IKBKB: variants seen among roughly 807,000 people sequenced by gnomAD.
The protein encoded by IKBKB is inhibitor of nuclear factor kappa B kinase subunit beta, also known as inhibitor of nuclear factor kappa-B kinase subunit beta.
IKBKB carries 42 observed loss-of-function variants against 113.6 expected under a neutral mutation model. That is an observed-to-expected ratio of 0.37 (90% CI 0.29 to 0.48). The LOEUF (loss-of-function observed/expected upper bound fraction) is 0.48. Among genes scored for constraint, IKBKB ranks in the 20% least tolerant of loss-of-function variants. IKBKB has a pLI of 0.99. For synonymous variants in IKBKB, 296 were observed against 361.3 expected (o/e 0.82, Z 2.05); for missense variants, 673 against 939.7 (o/e 0.72, Z 3.71).
At chr8:42,277,026 C>G (rs1446209642) in intron 2 of IKBKB, among the ~76,000 whole-genome samples, 1 of 151,282 alleles carries the variant, frequency 6.6e-6, no homozygotes, top group Non-Finnish European at 1.5e-5. Flanking sequence ...GCCACCACCC[C>G]CGACTAATTT....
intron 2 of IKBKB, among the ~76,000 whole-genome samples, chr8:42,283,475 G>A (rs796595727): frequency 1.7e-4 from 26 of 152,342 alleles, no homozygotes; most frequent in African/African-American, 5.1e-4. Flanking sequence ...GTTCTTAAAC[G>A]TGGGAGAAGG....
intron 2 of IKBKB, among the ~76,000 whole-genome samples, chr8:42,275,488 C>G (rs1808902044): frequency 6.6e-6 from 1 of 152,174 alleles, no homozygotes; most frequent in Non-Finnish European, 1.5e-5. Flanking sequence ...CTTTACCCAA[C>G]TGAGATCAGT....
At chr8:42,295,447 C>T (rs1304936003) in intron 5 of IKBKB, among the ~76,000 whole-genome samples, 1 of 152,232 alleles carries the variant, frequency 6.6e-6, no homozygotes, top group African/African-American at 2.4e-5. Context: ...GGCACAAGTG[C>T]CGGGCGCAGT....
chr8:42,294,917 G>T (rs764704654), intron 5 of IKBKB, among the ~76,000 whole-genome samples: 1 of 152,094 alleles, frequency 6.6e-6, no homozygotes, highest in Non-Finnish European at 1.5e-5. Flanking sequence ...TTCTTCATTT[G>T]TTCTCTGTTG....
In IKBKB at chr8:42,271,308, T is replaced by C; in HGVS notation, c.-180T>C. On this transcript the variant is annotated 5_prime_UTR_variant, in exon 1 of 22. Coordinates refer to ENST00000520810, the MANE Select transcript of IKBKB (RefSeq NM_001556.3). ...GCCGCGGCCAACGTGCTCCGTGACG[T>C]CAGAGCAGGAAGTGTTTGAGGAAGT... 4.3e-6 allele frequency: 4 copies of C among 920,516 alleles called. No individual in the cohort carries two copies. The highest frequency in any genetic ancestry group is 4.2e-5 in the South Asian group (3 of 71,912). The allele number at this position is 920,516 out of a possible 1,614,324, so 57.0% of individuals were successfully genotyped here. A position where few individuals can be genotyped will look rare whatever the true frequency, so the allele number is the denominator to read the frequency against.
intron 19 of IKBKB, among the ~76,000 whole-genome samples, chr8:42,323,864 T>G (rs1391012538): frequency 2.0e-5 from 3 of 152,196 alleles, no homozygotes; most frequent in African/African-American, 7.2e-5. Flanking sequence ...GAGCATTTAC[T>G]GAATGCTAAC....
At chr8:42,297,695 G>A (rs1814177508) in intron 5 of IKBKB, among the ~76,000 whole-genome samples, 1 of 152,160 alleles carries the variant, frequency 6.6e-6, no homozygotes, top group Non-Finnish European at 1.5e-5. Context: ...AAAAGTTTGA[G>A]ACCAGCCTGG....
chr8:42,296,065 T>C (rs1290526539), intron 5 of IKBKB, among the ~76,000 whole-genome samples: 2 of 152,250 alleles, frequency 1.3e-5, no homozygotes, highest in African/African-American at 4.8e-5. Flanking sequence ...CTGTCTTCTC[T>C]GTGACCCTGA....
rs757116816 is a variant in IKBKB at position 42,314,440 on chromosome 8, G to C, written c.800+11G>C. 2 of 1,485,510 alleles carry C rather than the reference G, an allele frequency of 1.3e-6. No individual in the cohort carries two copies. The highest frequency in any genetic ancestry group is 1.9e-6 in the Non-Finnish European group (2 of 1,063,064). 92.0% of individuals were successfully genotyped at this position (1,485,510 alleles called of 1,614,324 possible). ...CAATAATCTTAACAGGTAAGGCACA[G>C]CGGCATTACACGAATACATATCTTT... On this transcript the variant is annotated intron_variant, in intron 9 of 21. Coordinates refer to ENST00000520810, the MANE Select transcript of IKBKB (RefSeq NM_001556.3).
chr8:42,272,633 A>C (rs1808022864), intron 2 of IKBKB, among the ~76,000 whole-genome samples: 1 of 152,086 alleles, frequency 6.6e-6, no homozygotes, highest in Admixed American at 6.6e-5. Flanking sequence ...CGTCTCTACA[A>C]AAAAGGTTTA....
chr8:42,310,025 T>G (rs1018755757), intron 8 of IKBKB, among the ~76,000 whole-genome samples: 2 of 152,214 alleles, frequency 1.3e-5, no homozygotes, highest in Non-Finnish European at 2.9e-5. Context: ...AATGTGTACA[T>G]CATGTTGTAC....
chr8:42,287,211 G>A (rs1811590499), intron 2 of IKBKB, among the ~76,000 whole-genome samples: 1 of 152,228 alleles, frequency 6.6e-6, no homozygotes, highest in South Asian at 2.1e-4. Flanking sequence ...CATGCACCAG[G>A]GAGAAGAGGG....
chr8:42,288,068 T>A (rs1229750013), intron 2 of IKBKB, among the ~76,000 whole-genome samples: 2 of 151,998 alleles, frequency 1.3e-5, no homozygotes, highest in Non-Finnish European at 2.9e-5. Flanking sequence ...CCTTGAAGGC[T>A]CTGTAGACTC....
intron 2 of IKBKB, among the ~76,000 whole-genome samples, chr8:42,287,201 C>T (rs1436905034): frequency 1.3e-5 from 2 of 152,244 alleles, no homozygotes; most frequent in African/African-American, 4.8e-5. Flanking sequence ...TGTCCCCACT[C>T]ATGCACCAGG....
At chr8:42,322,610 G>A in intron 19 of IKBKB, 116 bp downstream of exon 19, 1 of 1,071,580 alleles carries the variant, frequency 9.3e-7, no homozygotes, top group South Asian at 1.5e-5. Context: ...AGCCCACTCA[G>A]CTGCTGCTCG....
chr8:42,271,439 C>A lies in IKBKB; in HGVS notation c.-49C>A. The A allele has an allele frequency of 7.0e-7, 1 of 1,425,572 alleles. No individual in the cohort carries two copies. The highest frequency in any genetic ancestry group is 9.5e-7 in the Non-Finnish European group (1 of 1,050,994). The allele number at this position is 1,425,572 out of a possible 1,614,324, so 88.3% of individuals were successfully genotyped here. On this transcript the variant is annotated 5_prime_UTR_variant, in exon 1 of 22. Coordinates refer to ENST00000520810, the MANE Select transcript of IKBKB (RefSeq NM_001556.3). ...GCCCCGCCTTCCCCGCCCCGGGGAGCCCGCCCCCTGCCCCGCGTCCCTGCC... is the reference window on the plus strand; with the variant it reads ...GCCCCGCCTTCCCCGCCCCGGGGAGACCGCCCCCTGCCCCGCGTCCCTGCC...
chr8:42,322,198 G>A, intron 18 of IKBKB, 45 bp downstream of exon 18: 1 of 1,569,150 alleles, frequency 6.4e-7, no homozygotes, highest in Non-Finnish European at 8.8e-7. Context: ...ACTGGGAGAT[G>A]CAGGTATGAG....
intron 2 of IKBKB, among the ~76,000 whole-genome samples, chr8:42,283,302 C>T (rs1339991588): frequency 6.6e-6 from 1 of 152,128 alleles, no homozygotes; most frequent in Non-Finnish European, 1.5e-5. Flanking sequence ...AGAATAATCC[C>T]CCCCAACCCC....
chr8:42,284,233 T>C (rs557272083), intron 2 of IKBKB, among the ~76,000 whole-genome samples: 19 of 152,314 alleles, frequency 1.2e-4, no homozygotes, highest in South Asian at 4.1e-4. Context: ...CTTGTCCTTT[T>C]ATAACCATCA....
Sources: gnomAD v4.1 joint callset for allele counts (sites outside exome capture counted in the v4.1 genomes callset) on GRCh38, gnomAD v4.1.1 for gene constraint, MANE v1.5 for transcripts, NCBI Gene and HGNC (gene_info 2026-07-23, HGNC 2026-07-21) for gene names.